TBL1X: variants seen among roughly 807,000 people sequenced by gnomAD.
TBL1X encodes the protein transducin beta like 1 X-linked.
Under a neutral mutation model 50.7 loss-of-function variants are expected in TBL1X, and 10 were observed. That is an observed-to-expected ratio of 0.20 (90% confidence interval 0.12 to 0.33). TBL1X has a LOEUF of 0.33. Ranked by LOEUF, TBL1X falls within the 10% of genes least tolerant of loss-of-function variation. The pLI is 1.00. For synonymous variants in TBL1X, 190 were observed against 214.7 expected (o/e 0.88, Z 1.01); for missense variants, 340 against 504.4 (o/e 0.67, Z 3.12).
chrX:9,635,176 A>G (rs16985630), intron 2 of TBL1X, among the ~76,000 whole-genome samples: 2,627 of 110,525 alleles, frequency 0.024, 24 homozygotes, highest in Middle Eastern at 0.07. Flanking sequence ...ACCCGAAGGA[A>G]TTTTATCATA....
At chrX:9,697,757 C>A (rs915612509) in intron 12 of TBL1X, among the ~76,000 whole-genome samples, 7 of 111,367 alleles carry the variant, frequency 6.3e-5, no homozygotes, top group African/African-American at 2.3e-4. Context: ...GGCGACAGAG[C>A]CAGACCGTGT....
chrX:9,531,354 GGTGTGTGTGTGTGTGT>G (rs57905343), intron 2 of TBL1X, among the ~76,000 whole-genome samples: 45 of 75,217 alleles, frequency 6.0e-4, no homozygotes, highest in African/African-American at 1.3e-3. Flanking sequence ...GAACCTGGAG[GGTGTGTGTGTGTGTGT>G]GTGTGTGTGT....
intron 2 of TBL1X, among the ~76,000 whole-genome samples, chrX:9,597,954 G>A (rs1027983909): frequency 8.9e-6 from 1 of 112,372 alleles, no homozygotes; most frequent in African/African-American, 3.2e-5. Context: ...TTGTGTCCCT[G>A]CAAAAGGGAT....
chrX:9,595,955 C>T (rs1342366992), intron 2 of TBL1X, among the ~76,000 whole-genome samples: 5 of 112,229 alleles, frequency 4.5e-5, no homozygotes, highest in Admixed American at 2.8e-4. Context: ...AAATTGTTTC[C>T]GCAAAGGCAT....
At chrX:9,495,677 C>T (rs751748327) in intron 1 of TBL1X, among the ~76,000 whole-genome samples, 28 of 111,593 alleles carry the variant, frequency 2.5e-4, no homozygotes, top group Non-Finnish European at 4.0e-4. Context: ...GTGACTCACG[C>T]CTGGCCGAAC....
At chrX:9,617,109 C>T (rs900525059) in intron 2 of TBL1X, among the ~76,000 whole-genome samples, 23 of 111,597 alleles carry the variant, frequency 2.1e-4, no homozygotes, top group African/African-American at 6.2e-4. Context: ...TCCAAGGCAC[C>T]GTGTTTTTAA....
chrX:9,669,564 A>G (rs965929656), intron 5 of TBL1X, among the ~76,000 whole-genome samples: 3 of 111,174 alleles, frequency 2.7e-5, no homozygotes, highest in Non-Finnish European at 3.8e-5. Flanking sequence ...TAGGACTTCC[A>G]CTCTTTATCC....
rs781208530 is a variant in TBL1X at position 9,700,937 on chromosome X, G to A, written c.1114+3508G>A. On this transcript the variant is annotated intron_variant, in intron 12 of 17. Transcript: ENST00000645353. Reference sequence around the variant, plus strand: ...TGCTCTGTGCTTTCATTGATGTAACGTTCTCATAATGCTAAAATGCTAGAA... The same window carrying A: ...TGCTCTGTGCTTTCATTGATGTAACATTCTCATAATGCTAAAATGCTAGAA... Among the ~76,000 whole-genome samples the A allele has an allele frequency of 9.9e-5, 11 of 111,548 alleles. No homozygotes were observed. The South Asian group carries it at 1.5e-3, about 15-fold the overall frequency.
intron 2 of TBL1X, among the ~76,000 whole-genome samples, chrX:9,508,966 G>T (rs1049419346): frequency 1.8e-5 from 2 of 110,532 alleles, no homozygotes; most frequent in Non-Finnish European, 3.8e-5. Context: ...GAACTATGAG[G>T]GTCAGTAGGG....
intron 16 of TBL1X, 111 bp from the exon 17 acceptor site, chrX:9,714,791 T>C (rs1478483640): frequency 2.6e-6 from 2 of 763,324 alleles, no homozygotes; most frequent in Non-Finnish European, 3.9e-6. Context: ...AATTTCACCA[T>C]GCTTGAAAAT....
chrX:9,705,432 C>G (rs1381435054), intron 13 of TBL1X, among the ~76,000 whole-genome samples: 1 of 110,686 alleles, frequency 9.0e-6, no homozygotes, highest in Non-Finnish European at 1.9e-5. Context: ...CGGGGCACAT[C>G]TGCAGTGAAT....
At chrX:9,576,246 G>A (rs1441537207) in intron 2 of TBL1X, among the ~76,000 whole-genome samples, 2 of 112,109 alleles carry the variant, frequency 1.8e-5, no homozygotes, top group Non-Finnish European at 3.8e-5. Context: ...TTGAGTACGC[G>A]CTGCACAGTG....
intron 2 of TBL1X, among the ~76,000 whole-genome samples, chrX:9,624,190 A>G (rs1161455793): frequency 8.9e-6 from 1 of 112,477 alleles, no homozygotes; most frequent in South Asian, 3.7e-4. Context: ...AATCTGTGAT[A>G]TTTCTGTAAA....
chrX:9,684,448 TGTG>T (rs2083044268), intron 6 of TBL1X, among the ~76,000 whole-genome samples: 1 of 108,100 alleles, frequency 9.3e-6, no homozygotes, highest in African/African-American at 3.4e-5. Flanking sequence ...ATTAGCCCAG[TGTG>T]GTGGTACGCA....
At chrX:9,555,010 G>A (rs769735189) in intron 2 of TBL1X, among the ~76,000 whole-genome samples, 17 of 111,946 alleles carry the variant, frequency 1.5e-4, no homozygotes, top group Non-Finnish European at 2.8e-4. Context: ...TTTTATGTCT[G>A]GCCTCGTTCA....
intron 2 of TBL1X, among the ~76,000 whole-genome samples, chrX:9,597,393 A>G (rs2082531592): frequency 2.7e-5 from 3 of 111,742 alleles, no homozygotes; most frequent in South Asian, 7.5e-4. Context: ...AGAAGACTCA[A>G]GTCTACACTG....
rs1225408069 is a variant in TBL1X at position 9,629,817 on chromosome X, C to G, written c.-130-10456C>G. On this transcript the variant is annotated intron_variant, in intron 2 of 17. Transcript: ENST00000645353. The stretch of plus-strand genomic sequence containing the variant: ...AGGGTTTCTCTAGAAACAGACCGTA[C>G]TAGGATTACATGGGAAGTGAGTGTG... 2.7e-5 allele frequency among the ~76,000 whole-genome samples: 3 copies of G among 111,267 alleles called. No individual in the cohort carries two copies. In the East Asian group the frequency reaches 8.5e-4, roughly 31 times the overall value.
chrX:9,604,065 C>T (rs2082570049), intron 2 of TBL1X, among the ~76,000 whole-genome samples: 1 of 111,660 alleles, frequency 9.0e-6, no homozygotes, highest in African/African-American at 3.3e-5. Flanking sequence ...AGGACTTTAG[C>T]ATGTGATTTC....
At chrX:9,623,885 A>G (rs1217684363) in intron 2 of TBL1X, among the ~76,000 whole-genome samples, 2 of 111,907 alleles carry the variant, frequency 1.8e-5, no homozygotes, top group Non-Finnish European at 3.8e-5. Flanking sequence ...GTAAGCACCA[A>G]TCCCAGTTGC....
Sources: gnomAD v4.1 joint callset for allele counts (sites outside exome capture counted in the v4.1 genomes callset) on GRCh38, gnomAD v4.1.1 for gene constraint, MANE v1.5 for transcripts, NCBI Gene and HGNC (gene_info 2026-07-23, HGNC 2026-07-21) for gene names.